Variants in B3GLCT observed in about 807,000 individuals in gnomAD.
The protein encoded by B3GLCT is beta-1,3-glucosyltransferase.
Under a neutral mutation model 63.4 loss-of-function variants are expected in B3GLCT, and 65 were observed. That is an observed-to-expected ratio of 1.03 (90% CI 0.84 to 1.26). The LOEUF is 1.26. B3GLCT is among the 50% of genes most tolerant of loss of function. B3GLCT has a pLI of 0.00. For synonymous variants in B3GLCT, 233 were observed against 219.2 expected (o/e 1.06, Z -0.55); for missense variants, 577 against 604.8 (o/e 0.95, Z 0.48).
At chr13:31,243,060 A>G (rs1871030698) in intron 4 of B3GLCT, among the ~76,000 whole-genome samples, 1 of 152,236 alleles carries the variant, frequency 6.6e-6, no homozygotes, top group Non-Finnish European at 1.5e-5. Context: ...TTGTAACAAT[A>G]AACAGATGTT....
At chr13:31,314,346 C>T (rs531911548) in intron 12 of B3GLCT, among the ~76,000 whole-genome samples, 31 of 152,252 alleles carry the variant, frequency 2.0e-4, no homozygotes, top group African/African-American at 6.5e-4. Flanking sequence ...TGAAAGCAGC[C>T]AGGAGGGAGG....
chr13:31,220,125 A>C (rs1047005114), intron 2 of B3GLCT, among the ~76,000 whole-genome samples: 2 of 152,176 alleles, frequency 1.3e-5, no homozygotes, highest in Admixed American at 1.3e-4. Flanking sequence ...TTTTATTCAG[A>C]ATCTCTAGGG....
At chr13:31,227,827 T>G (rs956114203) in intron 3 of B3GLCT, among the ~76,000 whole-genome samples, 3 of 152,210 alleles carry the variant, frequency 2.0e-5, no homozygotes, top group Admixed American at 2.0e-4. Context: ...AAGAGAAAGA[T>G]TCATGGTGGG....
At chr13:31,247,557 G>A (rs1290746240) in intron 5 of B3GLCT, among the ~76,000 whole-genome samples, 2 of 152,178 alleles carry the variant, frequency 1.3e-5, no homozygotes, top group African/African-American at 2.4e-5. Context: ...ACAGGCGTGA[G>A]CCACCACACC....
chr13:31,220,653 A>C (rs1377280955), intron 2 of B3GLCT, among the ~76,000 whole-genome samples: 1 of 152,188 alleles, frequency 6.6e-6, no homozygotes, highest in Non-Finnish European at 1.5e-5. Flanking sequence ...ATCTCAATTC[A>C]CCTTATTCAA....
intron 6 of B3GLCT, among the ~76,000 whole-genome samples, chr13:31,255,863 C>T (rs1012979781): frequency 6.6e-6 from 1 of 152,138 alleles, no homozygotes; most frequent in Non-Finnish European, 1.5e-5. Context: ...CTAGGCAATA[C>T]CATTCAGGAC....
intron 10 of B3GLCT, among the ~76,000 whole-genome samples, chr13:31,280,081 G>T (rs1872991860): frequency 6.6e-6 from 1 of 152,028 alleles, no homozygotes; most frequent in Non-Finnish European, 1.5e-5. Context: ...AACAATTTGT[G>T]CAGTTAACGC....
intron 3 of B3GLCT, among the ~76,000 whole-genome samples, chr13:31,225,193 CAA>C (rs1205617832): frequency 6.6e-6 from 1 of 152,218 alleles, no homozygotes; most frequent in African/African-American, 2.4e-5. Context: ...GGGGGAGAAA[CAA>C]TGACAATCCA....
At chr13:31,246,922 T>C in intron 4 of B3GLCT, 101 bp from the exon 5 acceptor site, 2 of 954,992 alleles carry the variant, frequency 2.1e-6, no homozygotes, top group Non-Finnish European at 3.1e-6. Context: ...AAGCCTTTTC[T>C]TTTTTTCTTT....
intron 10 of B3GLCT, among the ~76,000 whole-genome samples, chr13:31,279,069 C>T (rs772293214): frequency 2.0e-5 from 3 of 152,104 alleles, no homozygotes; most frequent in Admixed American, 6.5e-5. Context: ...GATAAATAGT[C>T]TTTGCTATTC....
chr13:31,276,714 A>G lies in B3GLCT; in HGVS notation c.793A>G (p.Lys265Glu). The change falls in exon 10 of 15, where the codon AAG becomes GAG. Residue 265 changes from lysine to glutamate, a missense_variant. Lys to Glu is a moderately conservative substitution (Grantham distance 56). Transcript: ENST00000343307. ...SFLPLCRKPV[K>E]KKDIFVAVKT... The stretch of plus-strand genomic sequence containing the variant: ...TTCTTTTTTTTAGAGAAAGCCAGTG[A>G]AGAAGAAGGATATTTTTGTTGCAGT... 6.2e-7 allele frequency: 1 copy of G among 1,611,786 alleles called. No individual in the cohort carries two copies. The highest frequency in any genetic ancestry group is 2.2e-5 in the East Asian group (1 of 44,858).
At chr13:31,204,631 G>A (rs1202822426) in intron 1 of B3GLCT, among the ~76,000 whole-genome samples, 4 of 152,146 alleles carry the variant, frequency 2.6e-5, no homozygotes, top group Non-Finnish European at 5.9e-5. Context: ...TTAGAGCAGA[G>A]GGAAGTGTTT....
chr13:31,218,960 T>A (rs1593251771), intron 2 of B3GLCT, among the ~76,000 whole-genome samples: 2 of 150,390 alleles, frequency 1.3e-5, no homozygotes, highest in Admixed American at 1.3e-4. Context: ...ATTCAGGTGA[T>A]CATGTGGTTT....
In B3GLCT at chr13:31,276,732, G is replaced by A. The variant is rs1872808764; in HGVS notation, c.811G>A (p.Val271Ile). The A allele has an allele frequency of 6.2e-7, 1 of 1,612,968 alleles. No homozygotes were observed. Among genetic ancestry groups the A allele is most frequent in the African/African-American group, 1.3e-5 (1 of 74,830 alleles). ...RKPVKKKDIF[V>I]AVKTCKKFHG... is the part of the protein sequence containing the mutation. ...GCCAGTGAAGAAGAAGGATATTTTT[G>A]TTGCAGTAAAAACATGCAAGAAATT... is the stretch of plus-strand genomic sequence containing the variant. The change falls in exon 10 of 15, where the codon GTT (valine) becomes ATT (isoleucine). Residue 271 changes from valine to isoleucine, a missense_variant. By Grantham distance (29) the Val-to-Ile change is conservative (BLOSUM62 3). Transcript: ENST00000343307.
At chr13:31,276,818 C>G (rs1246981785) in intron 10 of B3GLCT, 47 bp downstream of exon 10, 1 of 1,338,960 alleles carries the variant, frequency 7.5e-7, no homozygotes. Flanking sequence ...ATCCAGACTA[C>G]CTTCTAAAGA....
chr13:31,297,233 A>G (rs972596049), intron 12 of B3GLCT, among the ~76,000 whole-genome samples: 3 of 152,104 alleles, frequency 2.0e-5, no homozygotes, highest in African/African-American at 7.2e-5. Context: ...CAGAAATTGA[A>G]TGACTAGATC....
chr13:31,247,125 AT>A, intron 5 of B3GLCT, 26 bp downstream of exon 5: 1 of 1,529,974 alleles, frequency 6.5e-7, no homozygotes, highest in Non-Finnish European at 9.1e-7. Context: ...TCACCTGTGA[AT>A]TACTGACATT....
At chr13:31,261,244 C>T (rs1018372305) in intron 7 of B3GLCT, among the ~76,000 whole-genome samples, 162 bp downstream of exon 7, 3 of 152,186 alleles carry the variant, frequency 2.0e-5, no homozygotes, top group African/African-American at 4.8e-5. Flanking sequence ...TTGAGGGTTT[C>T]TGCTTCAGCG....
chr13:31,277,268 G>C (rs1872839614), intron 10 of B3GLCT, among the ~76,000 whole-genome samples: 1 of 151,892 alleles, frequency 6.6e-6, no homozygotes, highest in African/African-American at 2.4e-5. Flanking sequence ...TGGAGAAGAA[G>C]AAAAAGCCGC....
Sources: gnomAD v4.1 joint callset for allele counts (sites outside exome capture counted in the v4.1 genomes callset) on GRCh38, gnomAD v4.1.1 for gene constraint, MANE v1.5 for transcripts, NCBI Gene and HGNC (gene_info 2026-07-23, HGNC 2026-07-21) for gene names.